The following ZNF827 variants were observed in gnomAD, a reference collection of about 807,000 sequenced individuals.
ZNF827 encodes the protein zinc finger protein 827.
ZNF827 carries 13 observed loss-of-function variants against 102.4 expected under a neutral mutation model. The observed-to-expected ratio is 0.13, with a 90% CI of 0.08 to 0.20. The LOEUF is 0.20. Ranked by LOEUF, ZNF827 falls within the 10% of genes least tolerant of loss-of-function variation. The pLI is 1.00. For missense variants in ZNF827, 1,103 were observed against 1,344.4 expected (o/e 0.82, Z 2.81); for synonymous variants, 523 against 536.2 (o/e 0.98, Z 0.34).
At chr4:145,800,008 T>TTACAGCC (rs1560938161) in intron 8 of ZNF827, among the ~76,000 whole-genome samples, 1 of 151,702 alleles carries the variant, frequency 6.6e-6, no homozygotes, top group Non-Finnish European at 1.5e-5. Flanking sequence ...TGGCCTTTTT[T>TTACAGCC]TTACAGCCAT....
At position 145,934,280 on chromosome 4, in the gene ZNF827, G is replaced by A. The variant is rs867446304; in HGVS notation, c.43+4085C>T. Among the ~76,000 whole-genome samples, 5 of 152,176 alleles carry A rather than the reference G, an allele frequency of 3.3e-5. No homozygotes were observed. The South Asian group carries it at 8.3e-4, about 25-fold the overall frequency. On this transcript the variant is annotated intron_variant, in intron 1 of 14. Coordinates refer to ENST00000508784, the MANE Select transcript of ZNF827 (RefSeq NM_001306215.2). ...CTTTTGATTTATAGACAGTAAGATC[G>A]CCATTCAACCCTACAGTATAGGCCA...
rs565153207 is a variant in ZNF827 at position 145,927,893 on chromosome 4, T to G, written c.43+10472A>C. On this transcript the variant is annotated intron_variant, in intron 1 of 14. Transcript: ENST00000508784. Reference sequence around the variant, plus strand: ...AACAGAAGGTTTGAGTAATGTACTGTTTTCCGTTTTACATGATGGAGCTAC... The same window carrying G: ...AACAGAAGGTTTGAGTAATGTACTGGTTTCCGTTTTACATGATGGAGCTAC... Among the ~76,000 whole-genome samples the G allele has an allele frequency of 5.3e-5, 8 of 152,312 alleles. No homozygotes were observed. The East Asian group carries it at 1.5e-3, about 29-fold the overall frequency.
chr4:145,784,308 T>C (rs1738529739), intron 8 of ZNF827, among the ~76,000 whole-genome samples: 1 of 152,238 alleles, frequency 6.6e-6, no homozygotes, highest in African/African-American at 2.4e-5. Context: ...TTGGACTTTT[T>C]GTTTTGTGAG....
chr4:145,907,521 C>A (rs1475275925), intron 1 of ZNF827, among the ~76,000 whole-genome samples: 1 of 152,140 alleles, frequency 6.6e-6, no homozygotes, highest in Non-Finnish European at 1.5e-5. Flanking sequence ...AGCAAGACAC[C>A]TCCATTTTCC....
At chr4:145,847,405 T>G (rs1746100104) in intron 6 of ZNF827, among the ~76,000 whole-genome samples, 1 of 152,202 alleles carries the variant, frequency 6.6e-6, no homozygotes, top group Non-Finnish European at 1.5e-5. Flanking sequence ...CCTCTGACTT[T>G]GATGACAACC....
At chr4:145,817,306 T>TA (rs1742683910) in intron 8 of ZNF827, among the ~76,000 whole-genome samples, 1 of 152,208 alleles carries the variant, frequency 6.6e-6, no homozygotes, top group South Asian at 2.1e-4. Context: ...TGTGCTAGCA[T>TA]ATAGTTTTGG....
At chr4:145,898,861 G>A (rs1751184839) in intron 2 of ZNF827, among the ~76,000 whole-genome samples, 1 of 152,158 alleles carries the variant, frequency 6.6e-6, no homozygotes, top group Non-Finnish European at 1.5e-5. Context: ...TCAAAGAAAT[G>A]GTGGTGTCTA....
chr4:145,938,608 T>C lies in ZNF827; in HGVS notation c.-201A>G. On this transcript the variant is annotated 5_prime_UTR_variant, in exon 1 of 15. Coordinates refer to ENST00000508784, the MANE Select transcript of ZNF827 (RefSeq NM_001306215.2). Reference sequence around the variant, plus strand: ...AGAAGAGGGGTTTTCTTCTTTTCTTTCCTTTCTTTTTTCCTTTTTTTTTTT... The same window carrying C: ...AGAAGAGGGGTTTTCTTCTTTTCTTCCCTTTCTTTTTTCCTTTTTTTTTTT... The C allele has an allele frequency of 1.9e-6, 1 of 539,400 alleles. No individual in the cohort carries two copies. Among genetic ancestry groups the C allele is most frequent in the Admixed American group, 3.2e-5 (1 of 31,706 alleles). 33.4% of individuals were successfully genotyped at this position (539,400 alleles called of 1,614,324 possible). A position where few individuals can be genotyped will look rare whatever the true frequency, so the allele number is the denominator to read the frequency against.
At chr4:145,895,587 C>T (rs1195797578) in intron 2 of ZNF827, among the ~76,000 whole-genome samples, 2 of 152,154 alleles carry the variant, frequency 1.3e-5, no homozygotes, top group Non-Finnish European at 2.9e-5. Context: ...AGGAAGATGA[C>T]AGAAACCAAA....
intron 11 of ZNF827, among the ~76,000 whole-genome samples, chr4:145,766,354 C>A (rs999235928): frequency 3.3e-5 from 5 of 152,108 alleles, no homozygotes; most frequent in African/African-American, 9.7e-5. Context: ...TTACTACTAA[C>A]AACTGAAAAA....
chr4:145,789,249 G>GA (rs1200857811), intron 8 of ZNF827, among the ~76,000 whole-genome samples: 2 of 152,032 alleles, frequency 1.3e-5, no homozygotes, highest in African/African-American at 2.4e-5. Flanking sequence ...TATTATGGGG[G>GA]AAAAACAGAT....
At chr4:145,851,271 CAGATAGATAGAT>C (rs10581131) in intron 5 of ZNF827, among the ~76,000 whole-genome samples, 35,628 of 151,480 alleles carry the variant, frequency 0.24, 4,571 homozygotes, top group Non-Finnish European at 0.28. Context: ...TAGGAAACTT[CAGATAGATAGAT>C]AGATAGATAG....
intron 1 of ZNF827, among the ~76,000 whole-genome samples, chr4:145,919,285 G>C (rs1190008017): frequency 6.6e-6 from 1 of 152,146 alleles, no homozygotes; most frequent in African/African-American, 2.4e-5. Flanking sequence ...CCTATATTGA[G>C]TATTTAAAAG....
At chr4:145,775,634 G>A (rs750811005) in intron 10 of ZNF827, among the ~76,000 whole-genome samples, 155 bp downstream of exon 10, 1 of 152,108 alleles carries the variant, frequency 6.6e-6, no homozygotes, top group African/African-American at 2.4e-5. Context: ...CTGTGCAACT[G>A]CAGGGCTCAA....
intron 5 of ZNF827, among the ~76,000 whole-genome samples, chr4:145,863,780 G>A (rs1747939911): frequency 6.6e-6 from 1 of 152,142 alleles, no homozygotes; most frequent in South Asian, 2.1e-4. Context: ...ACATTTTTGG[G>A]AGCAATGAAA....
At chr4:145,910,141 C>CG (rs1033454445) in intron 1 of ZNF827, among the ~76,000 whole-genome samples, 1 of 152,018 alleles carries the variant, frequency 6.6e-6, no homozygotes, top group African/African-American at 2.4e-5. Flanking sequence ...AGTCCACACA[C>CG]GGGGGGAGGG....
At position 145,870,483 on chromosome 4, in the gene ZNF827, C is replaced by CAAAA. The variant is rs1579431544; in HGVS notation, c.1748-9_1748-6dup. 12 of 1,594,086 alleles carry CAAAA rather than the reference C, an allele frequency of 7.5e-6. No individual in the cohort carries two copies. The Admixed American group carries it at 1.1e-4, about 15-fold the overall frequency. On this transcript the variant is annotated splice_region_variant and splice_polypyrimidine_tract_variant and intron_variant, in intron 4 of 14. Transcript: ENST00000508784. ...TGGGCTCCTTCTGATTTGCAGCTGTCAAAAGAAAAAAAGGGATTATATATA... is the reference window on the plus strand; with the variant it reads ...TGGGCTCCTTCTGATTTGCAGCTGTCAAAAAAAAGAAAAAAAGGGATTATATATA...
intron 8 of ZNF827, among the ~76,000 whole-genome samples, chr4:145,807,566 G>A (rs1741577790): frequency 6.6e-6 from 1 of 151,482 alleles, no homozygotes; most frequent in Non-Finnish European, 1.5e-5. Context: ...AACGCCTCCT[G>A]GGTTCAAGCA....
chr4:145,928,676 T>C (rs1753599280), intron 1 of ZNF827, among the ~76,000 whole-genome samples: 1 of 152,238 alleles, frequency 6.6e-6, no homozygotes, highest in South Asian at 2.1e-4. Flanking sequence ...AATGTGGTGC[T>C]GCTAGGATAG....
Sources: gnomAD v4.1 joint callset for allele counts (sites outside exome capture counted in the v4.1 genomes callset) on GRCh38, gnomAD v4.1.1 for gene constraint, MANE v1.5 for transcripts, NCBI Gene and HGNC (gene_info 2026-07-23, HGNC 2026-07-21) for gene names.